FXR1: variants seen among roughly 807,000 people sequenced by gnomAD.
The protein encoded by FXR1 is RNA-binding protein FXR1.
Under a neutral mutation model 84.0 loss-of-function variants are expected in FXR1, and 15 were observed. The ratio of observed to expected loss-of-function variants is 0.18; its 90% CI spans 0.12 to 0.27. The LOEUF is 0.27. FXR1 is among the 10% of genes least tolerant of loss of function. The pLI is 1.00. For missense variants in FXR1, 480 were observed against 774.4 expected (o/e 0.62, Z 4.51); for synonymous variants, 245 against 250.7 (o/e 0.98, Z 0.21).
intron 15 of FXR1, among the ~76,000 whole-genome samples, chr3:180,974,732 G>C (rs1005105857): frequency 5.3e-5 from 8 of 151,886 alleles, no homozygotes; most frequent in African/African-American, 1.9e-4. Context: ...GTCATCTTTA[G>C]TTTGCTTGTA....
In FXR1 at chr3:180,978,199, CTT is replaced by C. The variant is rs1333422375; in HGVS notation, c.*1910_*1911del. 5 of 145,022 alleles carry C rather than the reference CTT, an allele frequency of 3.4e-5. No homozygotes were observed. The highest frequency in any genetic ancestry group is 4.1e-4 in the East Asian group (2 of 4,836). The allele number at this position is 145,022 out of a possible 1,614,324, so 9.0% of individuals were successfully genotyped here. A position where few individuals can be genotyped will look rare whatever the true frequency, so the allele number is the denominator to read the frequency against. On this transcript the variant is annotated 3_prime_UTR_variant, in exon 17 of 17. Coordinates refer to ENST00000357559, the MANE Select transcript of FXR1 (RefSeq NM_005087.4). ...TATGGTGTAAAAAAAAAAAAAAAGA[CTT>C]TTCATTTTCTCCCACATAGAATAGT...
At chr3:180,920,168 C>T (rs1718408416) in intron 1 of FXR1, among the ~76,000 whole-genome samples, 1 of 152,096 alleles carries the variant, frequency 6.6e-6, no homozygotes, top group Non-Finnish European at 1.5e-5. Flanking sequence ...TCCTGAATTC[C>T]TTTCTTAATC....
intron 1 of FXR1, among the ~76,000 whole-genome samples, chr3:180,917,686 T>C (rs7622390): frequency 0.24 from 36,448 of 152,000 alleles, 4,575 homozygotes; most frequent in African/African-American, 0.31. Flanking sequence ...CCGTGGCTCA[T>C]GCCTGTAATC....
chr3:180,916,296 A>G (rs1268834897), intron 1 of FXR1, among the ~76,000 whole-genome samples: 1 of 152,216 alleles, frequency 6.6e-6, no homozygotes, highest in East Asian at 1.9e-4. Context: ...CCTCCGGCTC[A>G]TTTGCATCAT....
In FXR1 at chr3:180,968,235, C is replaced by G. The variant is rs1713089693; in HGVS notation, c.1383C>G (p.Gly461=). ...GGRGRGGPRG[G]KSSISSVLKD... The stretch of plus-strand genomic sequence containing the variant: ...GAGGTCGTGGTGGACCACGTGGTGG[C>G]AAATCCTCCATCAGTTCTGGTAGTC... Residue 461 remains glycine (G), a synonymous_variant, in exon 14 of 17, where the codon GGC becomes GGG. Transcript: ENST00000357559. 15 of 1,605,618 alleles carry G rather than the reference C, an allele frequency of 9.3e-6. No individual in the cohort carries two copies. Among genetic ancestry groups the G allele is most frequent in the Non-Finnish European group, 1.2e-5 (14 of 1,172,364 alleles).
chr3:180,948,629 C>T, intron 5 of FXR1, 92 bp from the exon 6 acceptor site: 2 of 958,486 alleles, frequency 2.1e-6, no homozygotes. Context: ...TTTAGTGGGG[C>T]TTGTCAAAAT....
Position 180,966,958 on chromosome 3 carries a change from A to G in FXR1, c.1199-1093A>G, listed in dbSNP as rs548083072. Among the ~76,000 whole-genome samples, 3 of 152,314 alleles carry G rather than the reference A, an allele frequency of 2.0e-5. No individual in the cohort carries two copies. The South Asian group carries it at 6.2e-4, about 32-fold the overall frequency. The stretch of plus-strand genomic sequence containing the variant: ...ATAATGATAATGTAGGCCTCTGATT[A>G]TATCTTTGTGGTGTTTAAATAAATT... On this transcript the variant is annotated intron_variant, in intron 13 of 16. Coordinates refer to ENST00000357559, the MANE Select transcript of FXR1 (RefSeq NM_005087.4).
At chr3:180,936,329 G>T (rs988726006) in intron 3 of FXR1, among the ~76,000 whole-genome samples, 1 of 152,098 alleles carries the variant, frequency 6.6e-6, no homozygotes, top group Non-Finnish European at 1.5e-5. Flanking sequence ...GTTCAATGGA[G>T]CAATCTCAGT....
chr3:180,938,209 A>ATAAT (rs1720739864), intron 3 of FXR1, among the ~76,000 whole-genome samples: 1 of 152,238 alleles, frequency 6.6e-6, no homozygotes, highest in African/African-American at 2.4e-5. Context: ...GTCTGGTAGT[A>ATAAT]TAATTCCTAA....
In FXR1 at chr3:180,977,568, G is replaced by A. The variant is rs1270493466; in HGVS notation, c.*1276G>A. ...TATTAAACTTTATGTATATATTTTA[G>A]CCAGAGCTTAATTTTTATGAAGATA... On this transcript the variant is annotated 3_prime_UTR_variant, in exon 17 of 17. Coordinates refer to ENST00000357559, the MANE Select transcript of FXR1 (RefSeq NM_005087.4). 1.3e-5 allele frequency: 2 copies of A among 151,996 alleles called. No individual in the cohort carries two copies. Among genetic ancestry groups the A allele is most frequent in the Non-Finnish European group, 2.9e-5 (2 of 67,954 alleles). 9.4% of individuals were successfully genotyped at this position (151,996 alleles called of 1,614,324 possible).
At chr3:180,972,976 G>GT (rs1713773024) in intron 15 of FXR1, among the ~76,000 whole-genome samples, 1 of 152,128 alleles carries the variant, frequency 6.6e-6, no homozygotes, top group Non-Finnish European at 1.5e-5. Context: ...AAAATTTCTT[G>GT]TTGCTCTTAG....
intron 13 of FXR1, among the ~76,000 whole-genome samples, chr3:180,964,555 CATTT>C (rs1712552067): frequency 1.3e-5 from 2 of 151,902 alleles, no homozygotes; most frequent in Non-Finnish European, 2.9e-5. Flanking sequence ...GAATTGATAA[CATTT>C]TATTTCTTGA....
chr3:180,933,304 A>G (rs533595778), intron 1 of FXR1, 30 bp from the exon 2 acceptor site: 5 of 1,345,270 alleles, frequency 3.7e-6, no homozygotes, highest in South Asian at 3.5e-5. Flanking sequence ...TTTAATATCT[A>G]TGCTTTTATA....
intron 14 of FXR1, 177 bp downstream of exon 14, chr3:180,968,431 G>C (rs977866841): frequency 1.7e-6 from 1 of 572,522 alleles, no homozygotes; most frequent in Non-Finnish European, 3.1e-6. Context: ...GTGTTTCTCA[G>C]TGAAGGTTTA....
At chr3:180,918,316 T>G (rs1182492270) in intron 1 of FXR1, among the ~76,000 whole-genome samples, 3 of 152,146 alleles carry the variant, frequency 2.0e-5, no homozygotes, top group Non-Finnish European at 2.9e-5. Flanking sequence ...TTTTTATTTT[T>G]TAGTAGAGAT....
At chr3:180,947,230 T>C (rs1721792085) in intron 3 of FXR1, among the ~76,000 whole-genome samples, 1 of 152,136 alleles carries the variant, frequency 6.6e-6, no homozygotes, top group Non-Finnish European at 1.5e-5. Context: ...TATATTTTAG[T>C]AGAGACAGGG....
intron 3 of FXR1, among the ~76,000 whole-genome samples, chr3:180,935,622 T>A (rs1720434529): frequency 6.6e-6 from 1 of 152,230 alleles, no homozygotes; most frequent in Admixed American, 6.5e-5. Context: ...TATTTTACTA[T>A]AGTGATCATT....
In FXR1 at chr3:180,982,553, T is replaced by G. The variant is rs1365822486; in HGVS notation, c.*6261T>G. The G allele has an allele frequency of 6.6e-6, 1 of 152,182 alleles. No individual in the cohort carries two copies. The highest frequency in any genetic ancestry group is 1.5e-5 in the Non-Finnish European group (1 of 68,002). 9.4% of individuals were successfully genotyped at this position (152,182 alleles called of 1,614,324 possible). ...CTTAAAACGGGTATGTTGTTTGCAC[T>G]GAACCCTCAAAAGTATTTATACCTA... On this transcript the variant is annotated 3_prime_UTR_variant, in exon 17 of 17. Coordinates refer to ENST00000357559, the MANE Select transcript of FXR1 (RefSeq NM_005087.4).
intron 3 of FXR1, among the ~76,000 whole-genome samples, chr3:180,944,551 T>C (rs1277923598): frequency 6.6e-6 from 1 of 152,046 alleles, no homozygotes. Context: ...GGTCTCAAAC[T>C]CCTGGGCTCA....
Sources: allele counts gnomAD v4.1 joint callset (sites outside exome capture counted in the v4.1 genomes callset), GRCh38; gene constraint gnomAD v4.1.1; transcripts MANE v1.5; gene names NCBI Gene and HGNC (gene_info 2026-07-23, HGNC 2026-07-21).